PXK: variants seen among roughly 807,000 people sequenced by gnomAD.
The protein encoded by PXK is PX domain-containing protein kinase-like protein.
A neutral mutation model predicts 84.7 loss-of-function variants in PXK; 35 were observed. That is an observed-to-expected ratio of 0.41 (90% confidence interval 0.32 to 0.55). The LOEUF (loss-of-function observed/expected upper bound fraction) is 0.55. PXK is among the 20% of genes least tolerant of loss of function. The pLI is 0.21. For synonymous variants in PXK, 253 were observed against 260.8 expected (o/e 0.97, Z 0.29); for missense variants, 634 against 699.7 (o/e 0.91, Z 1.06).
At position 58,416,112 on chromosome 3, in the gene PXK, A is replaced by C. The variant is rs942593811; in HGVS notation, c.1528+3149A>C. Among the ~76,000 whole-genome samples the C allele has an allele frequency of 2.6e-5, 4 of 152,138 alleles. No homozygotes were observed. Among genetic ancestry groups the C allele is most frequent in the African/African-American group, 9.7e-5 (4 of 41,422 alleles). On this transcript the variant is annotated intron_variant, in intron 17 of 17. Coordinates refer to ENST00000356151, the MANE Select transcript of PXK (RefSeq NM_017771.5). The surrounding 1 kb of genome is among the most constrained non-coding windows in gnomAD (Gnocchi z 4.8). The stretch of plus-strand genomic sequence containing the variant: ...TACAGTTTAGTCTTCTTTTCCTCCT[A>C]ATCTGGGATCTTTGTGGTGAGGGTC...
Position 58,409,051 on chromosome 3 carries a change from C to T in PXK, c.1308+50C>T, listed in dbSNP as rs377184139. ...GCCTTTTAGTGTCCCCATCCTCTGC[C>T]GTGGTTTTTATAGTGATTGACCTTT... On this transcript the variant is annotated intron_variant, in intron 14 of 17. Transcript: ENST00000356151. This position sits in a 1 kb window ranked among gnomAD's most constrained non-coding sequence, Gnocchi z 4.2. 9.3e-6 allele frequency: 13 copies of T among 1,402,860 alleles called. No homozygotes were observed. Among genetic ancestry groups the T allele is most frequent in the South Asian group, 4.7e-5 (4 of 84,464 alleles). 86.9% of individuals were successfully genotyped at this position (1,402,860 alleles called of 1,614,324 possible).
At position 58,409,493 on chromosome 3, in the gene PXK, C is replaced by T. The variant is rs1041775129; in HGVS notation, c.1309-39C>T. 2 of 1,555,518 alleles carry T rather than the reference C, an allele frequency of 1.3e-6. No individual in the cohort carries two copies. The highest frequency in any genetic ancestry group is 8.8e-7 in the Non-Finnish European group (1 of 1,133,796). The stretch of plus-strand genomic sequence containing the variant: ...GAGAAGATTTTCATTAGGAAGCTGC[C>T]TTATGTGGGATATGCTTACATCTTA... On this transcript the variant is annotated intron_variant, in intron 14 of 17. Coordinates refer to ENST00000356151, the MANE Select transcript of PXK (RefSeq NM_017771.5). The surrounding 1 kb of genome is among the most constrained non-coding windows in gnomAD (Gnocchi z 4.2).
chr3:58,376,812 G>C (rs1481917607), intron 3 of PXK, among the ~76,000 whole-genome samples: 1 of 151,692 alleles, frequency 6.6e-6, no homozygotes, highest in Admixed American at 6.6e-5. Flanking sequence ...ACTAGTTTTT[G>C]TATTTTTAGT....
At chr3:58,424,024 C>T (rs934655245) in intron 17 of PXK, among the ~76,000 whole-genome samples, 1 of 152,158 alleles carries the variant, frequency 6.6e-6, no homozygotes, top group Non-Finnish European at 1.5e-5. Context: ...GGTTGGGCCA[C>T]AATGGAGAGA....
rs1560114193 is a variant in PXK at position 58,410,157 on chromosome 3, C to G, written c.1463C>G (p.Ser488Ter). The G allele has an allele frequency of 1.9e-6, 3 of 1,582,092 alleles. No homozygotes were observed. The highest frequency in any genetic ancestry group is 2.6e-6 in the Non-Finnish European group (3 of 1,150,772). Residue 488 changes from serine (S) to a stop codon, truncating the protein, a stop_gained and splice_region_variant, in exon 16 of 18, where the codon TCA becomes TGA. Transcript: ENST00000356151. LOFTEE classifies it high-confidence loss of function. ...HSAKYSNSNN[S>*]AGSGASSPLT... The stretch of plus-strand genomic sequence containing the variant: ...GCGAAGTACAGCAACTCCAATAATT[C>G]AGGTAACTGGTTATAGATGGTAGTG...
chr3:58,397,044 G>A lies in PXK; in HGVS notation c.828G>A (p.Leu276=). Reference sequence around the variant, plus strand: ...TTTCCCATATGTTTTGATAGGTACTGAAGTTTCTTCATGACAAGGGATTCC... The same window carrying A: ...TTTCCCATATGTTTTGATAGGTACTAAAGTTTCTTCATGACAAGGGATTCC... ...KTYGRQILEV[L]KFLHDKGFPY... The change falls in exon 10 of 18, where the codon CTG becomes CTA. Residue 276 remains leucine (L), a synonymous_variant. Transcript: ENST00000356151. This position sits in a 1 kb window ranked among gnomAD's most constrained non-coding sequence, Gnocchi z 4.7. 6.2e-7 allele frequency: 1 copy of A among 1,613,938 alleles called. No homozygotes were observed.
In PXK at chr3:58,407,854, G is replaced by A. The variant is rs2059628384; in HGVS notation, c.1231-1070G>A. Reference sequence around the variant, plus strand: ...TTACAGGCGTGAGCCACCTTGCCCGGCTGCACCAAAGTTTTAAATTTTGAT... The same window carrying A: ...TTACAGGCGTGAGCCACCTTGCCCGACTGCACCAAAGTTTTAAATTTTGAT... On this transcript the variant is annotated intron_variant, in intron 13 of 17. Transcript: ENST00000356151. This position sits in a 1 kb window ranked among gnomAD's most constrained non-coding sequence, Gnocchi z 4.3. Among the ~76,000 whole-genome samples the A allele has an allele frequency of 6.6e-6, 1 of 152,210 alleles. No homozygotes were observed. The highest frequency in any genetic ancestry group is 1.5e-5 in the Non-Finnish European group (1 of 68,046).
chr3:58,335,679 G>A (rs73835172), intron 1 of PXK, among the ~76,000 whole-genome samples: 6,955 of 152,018 alleles, frequency 0.046, 566 homozygotes, highest in African/African-American at 0.16. Flanking sequence ...AGAAACATAC[G>A]GAGTTAGAGA....
intron 1 of PXK, among the ~76,000 whole-genome samples, chr3:58,334,098 C>G (rs1000008204): frequency 6.6e-6 from 1 of 152,150 alleles, no homozygotes; most frequent in African/African-American, 2.4e-5. Flanking sequence ...GGGTCATCAT[C>G]TGGAGGCTAA....
chr3:58,367,393 C>A (rs1052796385), intron 2 of PXK, among the ~76,000 whole-genome samples: 7 of 151,672 alleles, frequency 4.6e-5, no homozygotes, highest in Non-Finnish European at 8.8e-5. Context: ...TACAGGCACC[C>A]GCCACCACGC....
Position 58,332,948 on chromosome 3 carries a change from C to T in PXK, c.-41C>T. ...CGGCGGGAGTCGGCGCCTCGGGTTC[C>T]TACCTCGCGTCCCTAGGCGGCGGCG... On this transcript the variant is annotated 5_prime_UTR_variant, in exon 1 of 18. Coordinates refer to ENST00000356151, the MANE Select transcript of PXK (RefSeq NM_017771.5). The surrounding 1 kb of genome is among the most constrained non-coding windows in gnomAD (Gnocchi z 5.6). 7.7e-7 allele frequency: 1 copy of T among 1,290,404 alleles called. No individual in the cohort carries two copies. 79.9% of individuals were successfully genotyped at this position (1,290,404 alleles called of 1,614,324 possible). A position where few individuals can be genotyped will look rare whatever the true frequency, so the allele number is the denominator to read the frequency against.
Position 58,421,274 on chromosome 3 carries a change from T to C in PXK, c.1529-3478T>C, listed in dbSNP as rs1031963427. On this transcript the variant is annotated intron_variant, in intron 17 of 17. Coordinates refer to ENST00000356151, the MANE Select transcript of PXK (RefSeq NM_017771.5). This position sits in a 1 kb window ranked among gnomAD's most constrained non-coding sequence, Gnocchi z 5.5. ...GATTACCCACTGCTGGCTGCTAACA[T>C]GGGCCTAAGAGTCGGTGGGGAAGGG... 7.1e-6 allele frequency: 7 copies of C among 985,178 alleles called. No individual in the cohort carries two copies. Among genetic ancestry groups the C allele is most frequent in the Non-Finnish European group, 8.4e-6 (7 of 829,902 alleles). The allele number at this position is 985,178 out of a possible 1,614,324, so 61.0% of individuals were successfully genotyped here. A position where few individuals can be genotyped will look rare whatever the true frequency, so the allele number is the denominator to read the frequency against.
intron 1 of PXK, among the ~76,000 whole-genome samples, chr3:58,336,050 TATATATATATATATATATATA>T (rs1161790934): frequency 1.9e-5 from 1 of 52,184 alleles, no homozygotes; most frequent in African/African-American, 1.1e-4. Flanking sequence ...TATATATATA[TATATATATATATATATATATA>T]TTTTTTTTTT....
chr3:58,389,517 T>G (rs935733104), intron 4 of PXK, among the ~76,000 whole-genome samples: 7 of 152,144 alleles, frequency 4.6e-5, no homozygotes, highest in Admixed American at 2.6e-4. Flanking sequence ...TAGAATAATT[T>G]TAGATTTACA....
chr3:58,405,620 A>G (rs927541010), intron 13 of PXK, among the ~76,000 whole-genome samples: 7 of 151,790 alleles, frequency 4.6e-5, no homozygotes, highest in African/African-American at 1.7e-4. Context: ...CAGAGGTTGC[A>G]GTGAACTGAG....
chr3:58,388,133 A>G (rs2098579648), intron 4 of PXK, among the ~76,000 whole-genome samples: 3 of 152,218 alleles, frequency 2.0e-5, no homozygotes, highest in South Asian at 2.1e-4. Context: ...TATTTGGCAC[A>G]TGATAGTCAT....
Position 58,390,618 on chromosome 3 carries a change from C to T in PXK, c.425C>T (p.Ser142Leu). The T allele has an allele frequency of 6.2e-7, 1 of 1,613,366 alleles. No homozygotes were observed. Among genetic ancestry groups the T allele is most frequent in the Non-Finnish European group, 8.5e-7 (1 of 1,179,572 alleles). ...ALQQVSMFFRSEPKWEVVEPL... is the reference protein window; with the variant it reads ...ALQQVSMFFRLEPKWEVVEPL... Reference sequence around the variant, plus strand: ...CAACAGGTTTCCATGTTCTTCCGATCAGAACCAAAGTGGGAGGTGGTGGAA... The same window carrying T: ...CAACAGGTTTCCATGTTCTTCCGATTAGAACCAAAGTGGGAGGTGGTGGAA... Residue 142 changes from serine (S) to leucine (L), a missense_variant, in exon 5 of 18, where the codon TCA becomes TTA. This residue lies in a region of PXK where 353 missense variants were observed against 385.2 expected (regional missense o/e 0.92). Coordinates refer to ENST00000356151, the MANE Select transcript of PXK (RefSeq NM_017771.5). This position sits in a 1 kb window ranked among gnomAD's most constrained non-coding sequence, Gnocchi z 4.2.
intron 12 of PXK, 42 bp from the exon 13 acceptor site, chr3:58,403,820 C>T (rs1487843173): frequency 4.4e-6 from 6 of 1,372,662 alleles, no homozygotes; most frequent in South Asian, 1.5e-5. Flanking sequence ...TGAGAGTGCA[C>T]GTGGTTCAAG....
At chr3:58,406,875 A>G (rs2059491043) in intron 13 of PXK, among the ~76,000 whole-genome samples, 1 of 152,204 alleles carries the variant, frequency 6.6e-6, no homozygotes, top group Non-Finnish European at 1.5e-5. Context: ...TCTATATTGT[A>G]ACATGTAACA....
Sources: allele counts gnomAD v4.1 joint callset (sites outside exome capture counted in the v4.1 genomes callset), GRCh38; gene constraint gnomAD v4.1.1; regional missense constraint gnomAD v4.1.1; non-coding constraint Gnocchi (gnomAD v3.1); transcripts MANE v1.5; gene names NCBI Gene and HGNC (gene_info 2026-07-23, HGNC 2026-07-21).